RFPL1: variants seen among roughly 807,000 people sequenced by gnomAD.
RFPL1 encodes the protein ret finger protein-like 1.
RFPL1 carries 6 observed loss-of-function variants against 9.6 expected under a neutral mutation model. The ratio of observed to expected loss-of-function variants is 0.62; its 90% CI spans 0.34 to 1.23. RFPL1 has a LOEUF of 1.23. Ranked by LOEUF, RFPL1 falls within the 50% of genes most tolerant of loss-of-function variation. The pLI is 0.03. For synonymous variants in RFPL1, 145 were observed against 149.4 expected (o/e 0.97, Z 0.22); for missense variants, 352 against 398.4 (o/e 0.88, Z 0.99).
chr22:29,440,166 T>C (rs929881544), intron 1 of RFPL1: 1 of 152,212 alleles, frequency 6.6e-6, no homozygotes, highest in Non-Finnish European at 1.5e-5. Flanking sequence ...TCTCTACTCA[T>C]CCACCTACCC....
At chr22:29,400,853 T>G in the RFPL1 span, among the ~76,000 whole-genome samples, 1 of 152,240 alleles carries the variant, frequency 6.6e-6, no homozygotes, top group Admixed American at 6.5e-5. Flanking sequence ...AATATGGCTC[T>G]GTTGATTGGG....
the RFPL1 span, among the ~76,000 whole-genome samples, chr22:29,389,841 C>T: frequency 1.3e-5 from 2 of 151,640 alleles, no homozygotes; most frequent in Non-Finnish European, 2.9e-5. Context: ...CTCTGTTGCC[C>T]GGACTGGAGT....
intron 1 of RFPL1, chr22:29,441,276 C>T (rs1444084726): frequency 2.1e-6 from 1 of 478,376 alleles, no homozygotes; most frequent in Non-Finnish European, 3.7e-6. Flanking sequence ...AGACCCTCCA[C>T]TCTAAATGAA....
At chr22:29,425,527 A>G in the RFPL1 span, among the ~76,000 whole-genome samples, 2 of 152,214 alleles carry the variant, frequency 1.3e-5, no homozygotes, top group African/African-American at 2.4e-5. Context: ...CTAAAAACAC[A>G]GCCACCGGTC....
chr22:29,423,693 T>C, the RFPL1 span, among the ~76,000 whole-genome samples: 1 of 152,212 alleles, frequency 6.6e-6, no homozygotes, highest in Non-Finnish European at 1.5e-5. Context: ...GGCACGATGT[T>C]ACCCTATACA....
the RFPL1 span, among the ~76,000 whole-genome samples, chr22:29,395,662 G>A: frequency 1.3e-5 from 2 of 152,106 alleles, no homozygotes; most frequent in African/African-American, 4.8e-5. Flanking sequence ...ACTACCCTCC[G>A]CCGATGCATC....
the RFPL1 span, chr22:29,388,523 C>G: frequency 3.0e-4 from 46 of 152,296 alleles, no homozygotes; most frequent in African/African-American, 1.1e-3. Context: ...TCCGGGCTGC[C>G]GGCGGCTCGG....
At chr22:29,393,062 G>GTATA in the RFPL1 span, among the ~76,000 whole-genome samples, 1 of 152,222 alleles carries the variant, frequency 6.6e-6, no homozygotes, top group East Asian at 1.9e-4. Flanking sequence ...ACTCAGAGTG[G>GTATA]TAGGAAGTAC....
chr22:29,412,427 G>A, the RFPL1 span, among the ~76,000 whole-genome samples: 4 of 152,102 alleles, frequency 2.6e-5, no homozygotes, highest in Admixed American at 1.3e-4. Context: ...GGAGGGACAC[G>A]AGTTCCAGGG....
the RFPL1 span, among the ~76,000 whole-genome samples, chr22:29,420,234 G>A: frequency 2.6e-4 from 39 of 152,336 alleles, no homozygotes; most frequent in African/African-American, 8.7e-4. Flanking sequence ...CATGATGTGA[G>A]AAAAACAAAT....
the RFPL1 span, among the ~76,000 whole-genome samples, chr22:29,422,017 G>C: frequency 1.4e-4 from 22 of 152,228 alleles, no homozygotes; most frequent in East Asian, 1.5e-3. Context: ...TGGTCGGCAG[G>C]CATGTGTCAG....
At chr22:29,399,658 T>G in the RFPL1 span, among the ~76,000 whole-genome samples, 1 of 152,260 alleles carries the variant, frequency 6.6e-6, no homozygotes, top group Non-Finnish European at 1.5e-5. Context: ...ATGGAATCTT[T>G]ATTACCCCTG....
the RFPL1 span, among the ~76,000 whole-genome samples, chr22:29,414,992 A>G: frequency 2.6e-5 from 4 of 152,186 alleles, no homozygotes; most frequent in African/African-American, 9.7e-5. Context: ...TCAAATCAGA[A>G]TCAAAACCAA....
At chr22:29,436,551 G>A (rs962770772), upstream of RFPL1, 1 of 148,820 alleles carries the variant, frequency 6.7e-6, no homozygotes, top group African/African-American at 2.5e-5. Context: ...AGTGATCCAA[G>A]TTTGTGCCAC....
chr22:29,441,807 T>C lies in RFPL1; in HGVS notation c.639T>C (p.Arg213=). The change falls in exon 2 of 2, where the codon CGT becomes CGC. Residue 213 remains arginine (R), a synonymous_variant. Coordinates refer to ENST00000354373, the Ensembl canonical transcript of RFPL1. Reference sequence around the variant, plus strand: ...GGAGGATCCATCTGACCACAGAGCGTGGATTCTGGACTGTGAGTTTGAGGG... The same window carrying C: ...GGAGGATCCATCTGACCACAGAGCGCGGATTCTGGACTGTGAGTTTGAGGG... 4 of 1,613,936 alleles carry C rather than the reference T, an allele frequency of 2.5e-6. No homozygotes were observed. In the South Asian group the frequency reaches 4.4e-5, roughly 18 times the overall value.
At chr22:29,400,064 C>T in the RFPL1 span, among the ~76,000 whole-genome samples, 1,841 of 148,930 alleles carry the variant, frequency 0.012, 16 homozygotes, top group Non-Finnish European at 0.018. Flanking sequence ...GGCGCGATCT[C>T]GGCTCACTGC....
chr22:29,422,991 A>G, the RFPL1 span: 1 of 748,656 alleles, frequency 1.3e-6, no homozygotes, highest in Non-Finnish European at 2.3e-6. Flanking sequence ...TAGATCTACC[A>G]CAAGCTCTAG....
At chr22:29,397,486 C>A in the RFPL1 span, among the ~76,000 whole-genome samples, 1 of 152,246 alleles carries the variant, frequency 6.6e-6, no homozygotes, top group African/African-American at 2.4e-5. Context: ...CGAGGACAGA[C>A]TTTTCCCAAG....
the RFPL1 span, among the ~76,000 whole-genome samples, chr22:29,400,090 G>A: frequency 1.3e-5 from 2 of 151,494 alleles, no homozygotes; most frequent in Non-Finnish European, 2.9e-5. Context: ...CCGCCTCCTG[G>A]GTTCACGCCA....
Sources: gnomAD v4.1 joint callset for allele counts (sites outside exome capture counted in the v4.1 genomes callset) on GRCh38, gnomAD v4.1.1 for gene constraint, MANE v1.5 for transcripts, NCBI Gene and HGNC (gene_info 2026-07-23, HGNC 2026-07-21) for gene names.